Variants in DENND1A observed in about 807,000 individuals in gnomAD.
The protein encoded by DENND1A is DENN domain containing 1A, also known as DENN domain-containing protein 1A.
A neutral mutation model predicts 113.7 loss-of-function variants in DENND1A; 51 were observed. That is an observed-to-expected ratio of 0.45 (90% confidence interval 0.36 to 0.57). DENND1A has a LOEUF of 0.57. DENND1A is among the 20% of genes least tolerant of loss of function. The probability of loss-of-function intolerance (pLI) is 0.00; values close to 1 mark genes in which losing one functional copy is unlikely to be tolerated. For synonymous variants in DENND1A, 565 were observed against 570.8 expected, an observed-to-expected ratio of 0.99 and a Z score of 0.14; for missense variants, 1,258 against 1,395.9, an observed-to-expected ratio of 0.90 and a Z score of 1.57.
intron 5 of DENND1A, among the ~76,000 whole-genome samples, chr9:123,679,948 C>T (rs1226459857): frequency 1.3e-5 from 2 of 152,118 alleles, no homozygotes; most frequent in African/African-American, 4.8e-5. Context: ...CGGAGTACCA[C>T]AGTTGGGACT....
rs190084902 is a variant in DENND1A at position 123,626,342 on chromosome 9, G to A, written c.719+4034C>T. ...CTGTGTGGGGTCTATTCCTGTGAGC[G>A]TACTGTGTGTCTGGGGGGAGAGGGG... is the stretch of plus-strand genomic sequence containing the variant. On this transcript the variant is annotated intron_variant, in intron 10 of 23. Transcript: ENST00000394215. Among the ~76,000 whole-genome samples, 5 of 151,994 alleles carry A rather than the reference G, an allele frequency of 3.3e-5. No individual in the cohort carries two copies. The East Asian group carries it at 7.8e-4, about 24-fold the overall frequency.
chr9:123,735,877 T>C (rs966336212), intron 5 of DENND1A, among the ~76,000 whole-genome samples: 3 of 152,252 alleles, frequency 2.0e-5, no homozygotes, highest in Middle Eastern at 3.4e-3. Context: ...TGTACACCTG[T>C]AGTCCCAGCT....
intron 5 of DENND1A, among the ~76,000 whole-genome samples, chr9:123,735,420 G>A (rs1028782976): frequency 6.6e-6 from 1 of 152,146 alleles, no homozygotes; most frequent in Non-Finnish European, 1.5e-5. Context: ...GAGCTGGTAA[G>A]CAAATGCAAA....
At chr9:123,399,736 T>C (rs1020626813) in intron 21 of DENND1A, among the ~76,000 whole-genome samples, 1 of 152,206 alleles carries the variant, frequency 6.6e-6, no homozygotes. Context: ...GATGTGGAGC[T>C]GTCTCTCTGG....
At chr9:123,848,373 T>C (rs1419535566) in intron 2 of DENND1A, among the ~76,000 whole-genome samples, 1 of 152,144 alleles carries the variant, frequency 6.6e-6, no homozygotes, top group African/African-American at 2.4e-5. Context: ...ATATCTGTTA[T>C]GATGATCAGT....
chr9:123,626,763 A>T (rs182425291), intron 10 of DENND1A, among the ~76,000 whole-genome samples: 40 of 152,328 alleles, frequency 2.6e-4, no homozygotes, highest in Non-Finnish European at 5.0e-4. Flanking sequence ...GTTGAATCTG[A>T]GGAATGGGGC....
chr9:123,734,983 T>C (rs1857393), intron 5 of DENND1A, among the ~76,000 whole-genome samples: 50,246 of 152,058 alleles, frequency 0.33, 9,809 homozygotes, highest in African/African-American at 0.55. Context: ...TTATGATTGC[T>C]CTCATTACGT....
At chr9:123,441,284 AT>A (rs1387187511) in intron 18 of DENND1A, among the ~76,000 whole-genome samples, 1 of 152,224 alleles carries the variant, frequency 6.6e-6, no homozygotes, top group African/African-American at 2.4e-5. Context: ...TTTAATTTGC[AT>A]TACTTTAATT....
chr9:123,645,576 C>A (rs2062273810), intron 9 of DENND1A, among the ~76,000 whole-genome samples: 1 of 152,194 alleles, frequency 6.6e-6, no homozygotes, highest in African/African-American at 2.4e-5. Context: ...CTCCGCAGAA[C>A]CTCTCAGGAT....
chr9:123,832,861 G>A (rs1379687506), intron 2 of DENND1A, among the ~76,000 whole-genome samples: 1 of 152,022 alleles, frequency 6.6e-6, no homozygotes, highest in Admixed American at 6.5e-5. Flanking sequence ...GTTTTAGCTG[G>A]GCACATTTGC....
chr9:123,604,235 C>T (rs185164097), intron 11 of DENND1A, among the ~76,000 whole-genome samples: 80 of 152,332 alleles, frequency 5.3e-4, no homozygotes, highest in Non-Finnish European at 8.2e-4. Context: ...ATGCTGCTCT[C>T]TGCTCCCTGG....
At chr9:123,899,837 T>G (rs914249289) in intron 1 of DENND1A, among the ~76,000 whole-genome samples, 1 of 152,208 alleles carries the variant, frequency 6.6e-6, no homozygotes, top group Non-Finnish European at 1.5e-5. Context: ...AGTAGGCCAT[T>G]GGGACACTAT....
At chr9:123,519,448 T>G (rs2054213216) in intron 13 of DENND1A, among the ~76,000 whole-genome samples, 1 of 151,586 alleles carries the variant, frequency 6.6e-6, no homozygotes, top group Admixed American at 6.6e-5. Flanking sequence ...TTTAAATTTT[T>G]TTTTTTTGAG....
At chr9:123,708,104 C>T (rs2066348097) in intron 5 of DENND1A, among the ~76,000 whole-genome samples, 1 of 151,864 alleles carries the variant, frequency 6.6e-6, no homozygotes, top group Admixed American at 6.6e-5. Context: ...AATTTCTTCT[C>T]TGAGGCTTCA....
intron 5 of DENND1A, among the ~76,000 whole-genome samples, chr9:123,718,982 T>A (rs1396591781): frequency 6.6e-6 from 1 of 152,168 alleles, no homozygotes; most frequent in Non-Finnish European, 1.5e-5. Flanking sequence ...TGGTAGTGAA[T>A]AAGTCTCACG....
At chr9:123,756,216 T>A (rs1197520195) in intron 5 of DENND1A, among the ~76,000 whole-genome samples, 1 of 152,176 alleles carries the variant, frequency 6.6e-6, no homozygotes, top group African/African-American at 2.4e-5. Context: ...CCGGCCATAG[T>A]TGAGTTTTTG....
In DENND1A at chr9:123,383,645, C is replaced by T. The variant is rs868735081; in HGVS notation, c.2019+10G>A. Reference sequence around the variant, plus strand: ...CCCCCGGCCGATACCCTCCCTTGCCCATGCCATACCTGATAGTCAAAGGTC... The same window carrying T: ...CCCCCGGCCGATACCCTCCCTTGCCTATGCCATACCTGATAGTCAAAGGTC... On this transcript the variant is annotated intron_variant, in intron 23 of 23. Coordinates refer to ENST00000394215, the MANE Select transcript of DENND1A (RefSeq NM_001352964.2). 1 of 1,609,394 alleles carries T rather than the reference C, an allele frequency of 6.2e-7. No individual in the cohort carries two copies. The highest frequency in any genetic ancestry group is 1.7e-4 in the Middle Eastern group (1 of 6,010).
chr9:123,443,597 A>C (rs1236856484), intron 18 of DENND1A, among the ~76,000 whole-genome samples: 4 of 152,216 alleles, frequency 2.6e-5, no homozygotes, highest in African/African-American at 9.6e-5. Context: ...CCTCCACCTG[A>C]AGAAGGACAA....
chr9:123,648,833 CT>C (rs1348710111), intron 9 of DENND1A, among the ~76,000 whole-genome samples: 1 of 151,886 alleles, frequency 6.6e-6, no homozygotes, highest in Non-Finnish European at 1.5e-5. Context: ...AACGGTCTTC[CT>C]TTTTTTTCCT....
Sources: allele counts gnomAD v4.1 joint callset (sites outside exome capture counted in the v4.1 genomes callset), GRCh38; gene constraint gnomAD v4.1.1; transcripts MANE v1.5; gene names NCBI Gene and HGNC (gene_info 2026-07-23, HGNC 2026-07-21).